Variants in GPC6 observed in about 807,000 individuals in gnomAD.
GPC6 encodes the protein glypican-6.
Under a neutral mutation model 55.2 loss-of-function variants are expected in GPC6, and 14 were observed. The ratio of observed to expected loss-of-function variants is 0.25; its 90% CI spans 0.17 to 0.40. GPC6 has a LOEUF of 0.40. GPC6 is among the 10% of genes least tolerant of loss of function. GPC6 has a pLI of 1.00. For synonymous variants in GPC6, 278 were observed against 259.6 expected, an observed-to-expected ratio of 1.07 and a Z score of -0.68; for missense variants, 641 against 708.5, an observed-to-expected ratio of 0.90 and a Z score of 1.08.
intron 3 of GPC6, among the ~76,000 whole-genome samples, chr13:93,960,751 T>G (rs1355436393): frequency 6.6e-6 from 1 of 152,132 alleles, no homozygotes; most frequent in Admixed American, 6.5e-5. Flanking sequence ...GCTGTATTCA[T>G]GTGGATTATT....
In GPC6 at chr13:94,267,859, A is replaced by C. The variant is rs143690018; in HGVS notation, c.878-18490A>C. Among the ~76,000 whole-genome samples the C allele has an allele frequency of 1.2e-3, 187 of 152,354 alleles. 2 individuals carry two copies. In the East Asian group the frequency reaches 0.031, roughly 25 times the overall value. ...GCTGTTGTGCAGTGTGGCATTTTCA[A>C]AATGAAGAGGCCTTCCCCCATTGCA... On this transcript the variant is annotated intron_variant, in intron 4 of 8. Transcript: ENST00000377047.
chr13:93,356,109 T>C (rs1436227817), intron 1 of GPC6, among the ~76,000 whole-genome samples: 1 of 152,196 alleles, frequency 6.6e-6, no homozygotes, highest in African/African-American at 2.4e-5. Context: ...CAGTTGTAAA[T>C]ATAATCTTGG....
At chr13:93,367,171 T>A (rs1881280808) in intron 1 of GPC6, among the ~76,000 whole-genome samples, 1 of 152,124 alleles carries the variant, frequency 6.6e-6, no homozygotes, top group South Asian at 2.1e-4. Context: ...GAATACCTAC[T>A]GTAAGAAAGA....
At chr13:94,077,824 T>G (rs1884969045) in intron 4 of GPC6, among the ~76,000 whole-genome samples, 1 of 151,964 alleles carries the variant, frequency 6.6e-6, no homozygotes, top group Non-Finnish European at 1.5e-5. Flanking sequence ...TAAATCCCAC[T>G]TGATCATGCT....
chr13:94,354,253 T>G (rs1344071232), intron 6 of GPC6, among the ~76,000 whole-genome samples: 1 of 152,056 alleles, frequency 6.6e-6, no homozygotes, highest in African/African-American at 2.4e-5. Flanking sequence ...TTCTGAAAAT[T>G]ATGGGGCTCT....
chr13:94,321,610 G>A (rs1322117968), intron 6 of GPC6, among the ~76,000 whole-genome samples: 3 of 152,154 alleles, frequency 2.0e-5, no homozygotes, highest in Admixed American at 6.5e-5. Context: ...CCATTTTAGA[G>A]CAGAGCATTG....
rs1180839193 is a variant in GPC6 at position 93,817,624 on chromosome 13, C to T, written c.320-12530C>T. Among the ~76,000 whole-genome samples the T allele has an allele frequency of 3.3e-5, 5 of 152,066 alleles. No homozygotes were observed. The East Asian group carries it at 5.8e-4, about 18-fold the overall frequency. On this transcript the variant is annotated intron_variant, in intron 2 of 8. Coordinates refer to ENST00000377047, the MANE Select transcript of GPC6 (RefSeq NM_005708.5). The stretch of plus-strand genomic sequence containing the variant: ...CTGTAATCCTAGCACTCTGAGAGAC[C>T]GAGGTAGGTAGATGGCTTGAGCTCA...
intron 1 of GPC6, among the ~76,000 whole-genome samples, chr13:93,291,772 C>T (rs1208301176): frequency 1.3e-5 from 2 of 152,072 alleles, no homozygotes; most frequent in Non-Finnish European, 2.9e-5. Flanking sequence ...ACATATCCAG[C>T]ATATACCTTC....
chr13:94,373,794 A>G (rs1201015889), intron 6 of GPC6, among the ~76,000 whole-genome samples: 1 of 152,194 alleles, frequency 6.6e-6, no homozygotes, highest in African/African-American at 2.4e-5. Context: ...GAAGGAAAAA[A>G]TGTTAAGGGC....
At chr13:93,555,083 T>C (rs1302657011) in intron 2 of GPC6, among the ~76,000 whole-genome samples, 3 of 152,180 alleles carry the variant, frequency 2.0e-5, no homozygotes, top group African/African-American at 7.2e-5. Context: ...TTGGAAGAAA[T>C]TGGATTTCTC....
At chr13:94,049,477 A>C (rs1449195394) in intron 4 of GPC6, among the ~76,000 whole-genome samples, 1 of 152,132 alleles carries the variant, frequency 6.6e-6, no homozygotes, top group African/African-American at 2.4e-5. Flanking sequence ...TGAGCAAATA[A>C]GACTGTGAAA....
chr13:93,364,803 G>A (rs1056720884), intron 1 of GPC6, among the ~76,000 whole-genome samples: 5 of 151,418 alleles, frequency 3.3e-5, no homozygotes, highest in Non-Finnish European at 7.4e-5. Flanking sequence ...TTGGCTAATT[G>A]TATATGATTG....
At chr13:93,893,059 ATTTTT>A (rs1271008047) in intron 3 of GPC6, among the ~76,000 whole-genome samples, 2 of 142,076 alleles carry the variant, frequency 1.4e-5, no homozygotes, top group Admixed American at 1.4e-4. Context: ...TAACCATTAA[ATTTTT>A]TTTTTTTTTT....
chr13:93,859,617 A>G (rs542129145), intron 3 of GPC6, among the ~76,000 whole-genome samples: 1 of 151,794 alleles, frequency 6.6e-6, no homozygotes, highest in South Asian at 2.1e-4. Context: ...GATAGCACGT[A>G]TAATTACGCA....
Position 94,348,992 on chromosome 13 carries a change from C to A in GPC6, c.1153-33422C>A, listed in dbSNP as rs1228312748. 3.3e-5 allele frequency among the ~76,000 whole-genome samples: 5 copies of A among 152,154 alleles called. No individual in the cohort carries two copies. In the South Asian group the frequency reaches 8.3e-4, roughly 25 times the overall value. On this transcript the variant is annotated intron_variant, in intron 6 of 8. Transcript: ENST00000377047. Reference sequence around the variant, plus strand: ...GTTGCATTTATTTATTTTACAAATACCTGTTTGTTTTAACAAATACATGTG... The same window carrying A: ...GTTGCATTTATTTATTTTACAAATAACTGTTTGTTTTAACAAATACATGTG...
At chr13:93,476,266 A>G (rs17234537) in intron 1 of GPC6, among the ~76,000 whole-genome samples, 31,942 of 151,790 alleles carry the variant, frequency 0.21, 3,565 homozygotes, top group East Asian at 0.37. Context: ...TGCTATTCCT[A>G]TTTGTGTGTG....
At chr13:93,700,239 A>G (rs1882621522) in intron 2 of GPC6, among the ~76,000 whole-genome samples, 1 of 152,110 alleles carries the variant, frequency 6.6e-6, no homozygotes, top group South Asian at 2.1e-4. Flanking sequence ...TGGTCAGTAC[A>G]TTATTTTATG....
chr13:94,352,987 C>T (rs2139170764), intron 6 of GPC6, among the ~76,000 whole-genome samples: 1 of 152,292 alleles, frequency 6.6e-6, no homozygotes, highest in South Asian at 2.1e-4. Context: ...GTGCTTTTCT[C>T]TTGGTCTAAA....
intron 1 of GPC6, among the ~76,000 whole-genome samples, chr13:93,516,578 G>A (rs1594229711): frequency 6.6e-6 from 1 of 152,052 alleles, no homozygotes; most frequent in Non-Finnish European, 1.5e-5. Flanking sequence ...ATCAATGTAA[G>A]TTAAGTTTTA....
Sources: allele counts gnomAD v4.1 joint callset (sites outside exome capture counted in the v4.1 genomes callset), GRCh38; gene constraint gnomAD v4.1.1; transcripts MANE v1.5; gene names NCBI Gene and HGNC (gene_info 2026-07-23, HGNC 2026-07-21).